DSCAM: variants seen among roughly 807,000 people sequenced by gnomAD.
DSCAM encodes the protein DS cell adhesion molecule.
A neutral mutation model predicts 217.7 loss-of-function variants in DSCAM; 47 were observed. That is an observed-to-expected ratio of 0.22 (90% confidence interval 0.17 to 0.28). The LOEUF (loss-of-function observed/expected upper bound fraction) is 0.28. DSCAM is among the 10% of genes least tolerant of loss of function. DSCAM has a pLI of 1.00. For missense variants in DSCAM, 2,080 were observed against 2,618.3 expected, an observed-to-expected ratio of 0.79 and a Z score of 4.49; for synonymous variants, 1,056 against 1,015.3, an observed-to-expected ratio of 1.04 and a Z score of -0.76.
intron 32 of DSCAM, among the ~76,000 whole-genome samples, chr21:40,032,432 A>C (rs1324978447): frequency 6.6e-6 from 1 of 152,092 alleles, no homozygotes; most frequent in East Asian, 1.9e-4. Flanking sequence ...CACAATATTG[A>C]TGAGCTCTTA....
At chr21:40,060,487 C>T (rs2089099447) in intron 28 of DSCAM, among the ~76,000 whole-genome samples, 1 of 150,730 alleles carries the variant, frequency 6.6e-6, no homozygotes, top group Non-Finnish European at 1.5e-5. Context: ...GTAGGTTGTG[C>T]AGAGCACAGT....
At chr21:40,526,547 G>T (rs2076402020) in intron 3 of DSCAM, among the ~76,000 whole-genome samples, 1 of 152,216 alleles carries the variant, frequency 6.6e-6, no homozygotes, top group Non-Finnish European at 1.5e-5. Flanking sequence ...AAGAGGATGG[G>T]GTGAGAGATG....
intron 3 of DSCAM, among the ~76,000 whole-genome samples, chr21:40,550,481 C>T (rs1270318354): frequency 7.2e-5 from 11 of 152,140 alleles, no homozygotes; most frequent in East Asian, 3.9e-4. Flanking sequence ...GCCGAGATCA[C>T]GCCATTGCAC....
At chr21:40,390,729 T>C (rs2075126581) in intron 3 of DSCAM, among the ~76,000 whole-genome samples, 1 of 152,154 alleles carries the variant, frequency 6.6e-6, no homozygotes, top group East Asian at 1.9e-4. Context: ...GGCCATGTTC[T>C]CTCTGTGTTT....
intron 1 of DSCAM, among the ~76,000 whole-genome samples, chr21:40,829,980 T>C (rs1431621130): frequency 6.6e-6 from 1 of 152,224 alleles, no homozygotes. Context: ...GAAAGCCATG[T>C]TTGCTATCTG....
intron 11 of DSCAM, among the ~76,000 whole-genome samples, chr21:40,196,239 G>T (rs1364652589): frequency 6.6e-6 from 1 of 152,122 alleles, no homozygotes; most frequent in African/African-American, 2.4e-5. Context: ...TGAGGAAGGG[G>T]CCTGGGAGCA....
At chr21:40,646,724 T>C (rs1033329059) in intron 3 of DSCAM, among the ~76,000 whole-genome samples, 4 of 152,146 alleles carry the variant, frequency 2.6e-5, no homozygotes, top group African/African-American at 9.7e-5. Context: ...GCAGTTGAAT[T>C]TCAGTGAGGC....
At chr21:40,404,913 C>T (rs2075267589) in intron 3 of DSCAM, among the ~76,000 whole-genome samples, 1 of 152,170 alleles carries the variant, frequency 6.6e-6, no homozygotes, top group Admixed American at 6.5e-5. Context: ...AGTAACAGAC[C>T]TAGGCAATAG....
intron 10 of DSCAM, 68 bp from the exon 11 acceptor site, chr21:40,276,338 A>C (rs1164095120): frequency 7.0e-7 from 1 of 1,433,890 alleles, no homozygotes; most frequent in Non-Finnish European, 9.4e-7. Context: ...AACGAGTTCA[A>C]GTACACACAG....
chr21:40,813,625 G>T (rs1238074203), intron 1 of DSCAM, among the ~76,000 whole-genome samples: 1 of 149,890 alleles, frequency 6.7e-6, no homozygotes, highest in Non-Finnish European at 1.5e-5. Context: ...TAGTTTTGAG[G>T]ATTTCTTTCT....
intron 1 of DSCAM, among the ~76,000 whole-genome samples, chr21:40,772,318 G>A (rs1057087105): frequency 1.4e-4 from 21 of 152,076 alleles, no homozygotes; most frequent in South Asian, 6.2e-4. Flanking sequence ...ACAGGCACCC[G>A]TCACCGTGCC....
intron 16 of DSCAM, among the ~76,000 whole-genome samples, chr21:40,158,363 C>T (rs1046952339): frequency 2.0e-5 from 3 of 152,034 alleles, no homozygotes; most frequent in African/African-American, 7.2e-5. Context: ...ACACTGCATT[C>T]AGCCTGGGTG....
intron 3 of DSCAM, among the ~76,000 whole-genome samples, chr21:40,439,341 G>A (rs2075611015): frequency 6.6e-6 from 1 of 152,218 alleles, no homozygotes; most frequent in Non-Finnish European, 1.5e-5. Context: ...TTCCAGTGCA[G>A]ATCAGGCCTG....
At chr21:40,337,492 TG>T (rs2074440663) in intron 8 of DSCAM, among the ~76,000 whole-genome samples, 2 of 152,214 alleles carry the variant, frequency 1.3e-5, no homozygotes, top group African/African-American at 4.8e-5. Context: ...ATCACCTTAT[TG>T]TTTTTTTCTG....
In DSCAM at chr21:40,381,140, C is replaced by T. The variant is rs189995770; in HGVS notation, c.509-11895G>A. Among the ~76,000 whole-genome samples the T allele has an allele frequency of 1.2e-3, 186 of 150,738 alleles. 1 individual carries two copies. Among genetic ancestry groups the T allele is most frequent in the African/African-American group, 4.1e-3 (168 of 41,046 alleles). ...CCTGAATGCCAGGATGAGGCAAAGG[C>T]GATGAGGACCAAGGTGGCTGCTAGG... On this transcript the variant is annotated intron_variant, in intron 3 of 32. Transcript: ENST00000400454.
intron 1 of DSCAM, among the ~76,000 whole-genome samples, chr21:40,763,122 G>T (rs559688411): frequency 6.6e-6 from 1 of 152,100 alleles, no homozygotes; most frequent in African/African-American, 2.4e-5. Context: ...TAAATAAAGG[G>T]CATTCAAATA....
At chr21:40,417,142 T>C (rs1389794650) in intron 3 of DSCAM, among the ~76,000 whole-genome samples, 2 of 152,222 alleles carry the variant, frequency 1.3e-5, no homozygotes, top group African/African-American at 4.8e-5. Flanking sequence ...TTTAATAGCA[T>C]TGTAAAGTTG....
At chr21:40,120,693 G>A (rs1351917282) in intron 20 of DSCAM, among the ~76,000 whole-genome samples, 6 of 152,096 alleles carry the variant, frequency 3.9e-5, no homozygotes, top group African/African-American at 1.4e-4. Flanking sequence ...TCATTGCACT[G>A]TTGGACCCCC....
At chr21:40,118,901 G>A (rs756329368) in intron 20 of DSCAM, among the ~76,000 whole-genome samples, 43 of 152,146 alleles carry the variant, frequency 2.8e-4, no homozygotes, top group African/African-American at 8.4e-4. Flanking sequence ...GGTTTGGAGC[G>A]TACGTCATGG....
Sources: gnomAD v4.1 joint callset for allele counts (sites outside exome capture counted in the v4.1 genomes callset) on GRCh38, gnomAD v4.1.1 for gene constraint, MANE v1.5 for transcripts, NCBI Gene and HGNC (gene_info 2026-07-23, HGNC 2026-07-21) for gene names.